The following CACNA2D3 variants were observed in gnomAD, a reference collection of about 807,000 sequenced individuals.
CACNA2D3 encodes the protein voltage-dependent calcium channel subunit alpha-2/delta-3.
Under a neutral mutation model 160.6 loss-of-function variants are expected in CACNA2D3, and 60 were observed. That is an observed-to-expected ratio of 0.37 (90% CI 0.30 to 0.46). The LOEUF (loss-of-function observed/expected upper bound fraction) is 0.46. Ranked by LOEUF, CACNA2D3 falls within the 20% of genes least tolerant of loss-of-function variation. CACNA2D3 has a pLI of 1.00. For synonymous variants in CACNA2D3, 558 were observed against 492.9 expected (o/e 1.13, Z -1.75); for missense variants, 1,205 against 1,365.0 (o/e 0.88, Z 1.85).
intron 13 of CACNA2D3, among the ~76,000 whole-genome samples, chr3:54,777,687 C>G (rs13314992): frequency 0.032 from 4,806 of 152,246 alleles, 238 homozygotes; most frequent in African/African-American, 0.11. Flanking sequence ...ATCCTATAGT[C>G]TGTTTCTCTG....
At chr3:54,212,525 C>A (rs183036453) in intron 2 of CACNA2D3, among the ~76,000 whole-genome samples, 1 of 152,128 alleles carries the variant, frequency 6.6e-6, no homozygotes, top group Non-Finnish European at 1.5e-5. Flanking sequence ...AAGTAGCAGG[C>A]GTCAGAGAGA....
At chr3:54,413,167 T>A (rs1699697286) in intron 4 of CACNA2D3, among the ~76,000 whole-genome samples, 1 of 151,834 alleles carries the variant, frequency 6.6e-6, no homozygotes, top group African/African-American at 2.4e-5. Context: ...AATAGAATTG[T>A]GAATTGACAG....
rs780272682 is a variant in CACNA2D3, at chr3:54,687,121, CTTTTTTTTTTTTTGTTTTT to C, written c.1167+44891_1167+44909del. 1.9e-4 allele frequency among the ~76,000 whole-genome samples: 18 copies of C among 94,978 alleles called. 1 individual carries two copies. The Admixed American group carries it at 2.3e-3, about 12-fold the overall frequency. 62.3% of individuals were successfully genotyped at this position (94,978 alleles called of 152,430 possible). On this transcript the variant is annotated intron_variant, in intron 11 of 37. Coordinates refer to ENST00000474759, the MANE Select transcript of CACNA2D3 (RefSeq NM_018398.3). ...AAATCGGATTTTTCTTTTTCTTTTT[CTTTTTTTTTTTTTGTTTTT>C]TTTTTTTTTTGTTTTTTTGACACTG...
rs528267579 is a variant in CACNA2D3, at chr3:54,427,969, G to T, written c.381+41195G>T. Among the ~76,000 whole-genome samples, 72 of 152,338 alleles carry T rather than the reference G, an allele frequency of 4.7e-4. 1 individual carries two copies. Among genetic ancestry groups the T allele is most frequent in the Admixed American group, 9.8e-4 (15 of 15,304 alleles). ...CCTCAACATGATTTCTCCACTGCTAGATTTTCCAGGCAGCAGGAGGCAACC... is the reference window on the plus strand; with the variant it reads ...CCTCAACATGATTTCTCCACTGCTATATTTTCCAGGCAGCAGGAGGCAACC... On this transcript the variant is annotated intron_variant, in intron 4 of 37. Transcript: ENST00000474759.
rs1018745986 is a variant in CACNA2D3 at position 54,707,817 on chromosome 3, T to A, written c.1168-44782T>A. The stretch of plus-strand genomic sequence containing the variant: ...CTGAGTTTTTATTTGCTTGTTTCAC[T>A]TCAGCAGAGGAGTGAGAAAAGTAAG... On this transcript the variant is annotated intron_variant, in intron 11 of 37. Coordinates refer to ENST00000474759, the MANE Select transcript of CACNA2D3 (RefSeq NM_018398.3). Among the ~76,000 whole-genome samples the A allele has an allele frequency of 4.6e-5, 7 of 152,202 alleles. No individual in the cohort carries two copies. The East Asian group carries it at 1.3e-3, about 29-fold the overall frequency.
chr3:54,402,662 A>C (rs929106026), intron 4 of CACNA2D3, among the ~76,000 whole-genome samples: 1 of 152,246 alleles, frequency 6.6e-6, no homozygotes, highest in African/African-American at 2.4e-5. Flanking sequence ...GGAGAAATAG[A>C]CAGCAATACA....
intron 14 of CACNA2D3, among the ~76,000 whole-genome samples, chr3:54,820,904 G>A (rs771591331): frequency 2.6e-5 from 4 of 151,990 alleles, no homozygotes; most frequent in Admixed American, 2.0e-4. Flanking sequence ...TTTTCTTCAC[G>A]TAGATTCTGT....
intron 9 of CACNA2D3, among the ~76,000 whole-genome samples, chr3:54,601,510 A>G (rs1401784612): frequency 2.6e-5 from 4 of 152,036 alleles, no homozygotes; most frequent in Admixed American, 1.3e-4. Flanking sequence ...GCCCTGGACA[A>G]GATTTTTAAA....
intron 3 of CACNA2D3, among the ~76,000 whole-genome samples, chr3:54,352,838 G>C (rs1457717195): frequency 6.6e-6 from 1 of 152,114 alleles, no homozygotes; most frequent in African/African-American, 2.4e-5. Context: ...CAATAAATTT[G>C]GTGATTTTCT....
At chr3:54,924,669 T>C (rs1219381131) in intron 27 of CACNA2D3, 6 of 1,613,972 alleles carry the variant, frequency 3.7e-6, no homozygotes, top group South Asian at 1.1e-5. Flanking sequence ...CAAGTGGCAA[T>C]TGCATTTCCA....
intron 11 of CACNA2D3, among the ~76,000 whole-genome samples, chr3:54,671,958 G>A (rs1700171606): frequency 6.6e-6 from 1 of 152,226 alleles, no homozygotes; most frequent in East Asian, 1.9e-4. Context: ...TGACTGAGAT[G>A]ACTGTGCTCT....
chr3:54,830,447 A>G (rs1039984286), intron 14 of CACNA2D3, among the ~76,000 whole-genome samples: 3 of 126,198 alleles, frequency 2.4e-5, no homozygotes, highest in African/African-American at 9.7e-5. Flanking sequence ...TGGCATTTAA[A>G]TACTTTTTTT....
Position 54,386,750 on chromosome 3 carries a change from A to T in CACNA2D3, c.357A>T (p.Lys119Asn), listed in dbSNP as rs900240542. 1 of 1,589,346 alleles carries T rather than the reference A, an allele frequency of 6.3e-7. No homozygotes were observed. The highest frequency in any genetic ancestry group is 8.6e-7 in the Non-Finnish European group (1 of 1,168,212). The change falls in exon 4 of 38, where the codon AAA becomes AAT. Residue 119 changes from lysine (K) to asparagine (N), a missense_variant. Around this residue, in one of 3 missense-constraint regions of CACNA2D3, gnomAD observed 163 missense variants for 161.3 expected, o/e 1.01. Transcript: ENST00000474759. ...AGGCTGCAGAAGAAGCACACCTGAA[A>T]CATGAATTTGATGCAGACTTACAGG... Reference protein sequence around the residue: ...LVEAAEEAHLKHEFDADLQYE... With the variant: ...LVEAAEEAHLNHEFDADLQYE...
intron 9 of CACNA2D3, among the ~76,000 whole-genome samples, chr3:54,607,547 A>C (rs1158311583): frequency 6.6e-6 from 1 of 152,182 alleles, no homozygotes; most frequent in Non-Finnish European, 1.5e-5. Context: ...GCCAGAGTAA[A>C]AAAAAATACT....
At chr3:54,184,963 A>C (rs1700855549) in intron 2 of CACNA2D3, among the ~76,000 whole-genome samples, 1 of 152,184 alleles carries the variant, frequency 6.6e-6, no homozygotes, top group South Asian at 2.1e-4. Context: ...TTACGGGAGG[A>C]TTCATTTGGC....
chr3:55,019,206 C>G (rs1276260179), intron 35 of CACNA2D3, among the ~76,000 whole-genome samples: 1 of 151,592 alleles, frequency 6.6e-6, no homozygotes, highest in Admixed American at 6.6e-5. Flanking sequence ...AATACCGTAT[C>G]TCTTTAATTA....
intron 2 of CACNA2D3, among the ~76,000 whole-genome samples, chr3:54,199,526 C>G (rs1276539583): frequency 6.6e-6 from 1 of 152,008 alleles, no homozygotes; most frequent in East Asian, 1.9e-4. Flanking sequence ...CCCTCCGCCT[C>G]CCGCCACTAA....
chr3:54,166,848 A>T (rs1700467524), intron 2 of CACNA2D3, among the ~76,000 whole-genome samples: 1 of 152,210 alleles, frequency 6.6e-6, no homozygotes, highest in South Asian at 2.1e-4. Flanking sequence ...CTGAAAAATT[A>T]TGATGTATTT....
chr3:54,345,389 T>C (rs1333900497), intron 3 of CACNA2D3, among the ~76,000 whole-genome samples: 1 of 152,178 alleles, frequency 6.6e-6, no homozygotes, highest in Non-Finnish European at 1.5e-5. Flanking sequence ...CATTTTCTTC[T>C]TTTTTTCAAT....
Sources: gnomAD v4.1 joint callset for allele counts (sites outside exome capture counted in the v4.1 genomes callset) on GRCh38, gnomAD v4.1.1 for gene constraint, gnomAD v4.1.1 regional missense constraint, MANE v1.5 for transcripts, NCBI Gene and HGNC (gene_info 2026-07-23, HGNC 2026-07-21) for gene names.